COQ8B: variants seen among roughly 807,000 people sequenced by gnomAD.
The protein encoded by COQ8B is atypical kinase COQ8B, mitochondrial.
In COQ8B, 44 loss-of-function variants were observed where a neutral mutation model predicts 62.0. That is an observed-to-expected ratio of 0.71 (90% CI 0.56 to 0.91). The LOEUF is 0.91. Ranked by LOEUF, COQ8B falls within the 40% of genes least tolerant of loss-of-function variation. COQ8B has a pLI of 0.00. For synonymous variants in COQ8B, 252 were observed against 289.9 expected, an observed-to-expected ratio of 0.87 and a Z score of 1.33; for missense variants, 649 against 731.6, an observed-to-expected ratio of 0.89 and a Z score of 1.30.
In COQ8B at chr19:40,705,358, C is replaced by A. The variant is rs760868849; in HGVS notation, c.457G>T (p.Ala153Ser). The change falls in exon 6 of 15, where the codon GCC (alanine) becomes TCC (serine). Residue 153 changes from alanine to serine, a missense_variant. Ala to Ser is a moderately conservative substitution (Grantham distance 99, BLOSUM62 1). Transcript: ENST00000324464. The part of the protein sequence containing the change: ...VQTLCTVRGA[A>S]LKVGQMLSIQ... ...CTGAGCATCTGGCCAACCTTGAGGG[C>A]GGCCCCTCGAACTGTACATAAGGTC... is the stretch of plus-strand genomic sequence containing the variant. 1.3e-6 allele frequency: 2 copies of A among 1,597,650 alleles called. No individual in the cohort carries two copies. Among genetic ancestry groups the A allele is most frequent in the African/African-American group, 2.7e-5 (2 of 74,736 alleles).
chr19:40,711,142 A>G (rs1024956940), intron 4 of COQ8B, among the ~76,000 whole-genome samples: 7 of 151,958 alleles, frequency 4.6e-5, no homozygotes, highest in Non-Finnish European at 8.8e-5. Context: ...AAAAAAAAAA[A>G]AAAAAAGAAG....
intron 5 of COQ8B, among the ~76,000 whole-genome samples, chr19:40,709,060 C>T (rs904613675): frequency 5.9e-5 from 9 of 152,152 alleles, no homozygotes; most frequent in Non-Finnish European, 7.3e-5. Flanking sequence ...TTTATCTGTG[C>T]GTGTACCCAC....
chr19:40,713,653 T>C lies in COQ8B; in HGVS notation c.289+414A>G, dbSNP rs185212097. Among the ~76,000 whole-genome samples the C allele has an allele frequency of 1.9e-3, 279 of 145,892 alleles. 3 individuals carry two copies. The highest frequency in any genetic ancestry group is 7.3e-3 in the African/African-American group (271 of 37,092). ...ATTGCTTGAATGTAGGAGGCAGAGGTTGCAATGAGCCAAGACGGTGCCACT... is the reference window on the plus strand; with the variant it reads ...ATTGCTTGAATGTAGGAGGCAGAGGCTGCAATGAGCCAAGACGGTGCCACT... On this transcript the variant is annotated intron_variant, in intron 4 of 14. Transcript: ENST00000324464.
intron 1 of COQ8B, chr19:40,715,312 C>T (rs915770088): frequency 1.0e-6 from 1 of 985,842 alleles, no homozygotes; most frequent in Non-Finnish European, 1.2e-6. Context: ...GCCCTGTCTG[C>T]CCTTCCACTC....
chr19:40,714,786 C>A, intron 1 of COQ8B, 151 bp from the exon 2 acceptor site: 4 of 1,327,260 alleles, frequency 3.0e-6, no homozygotes, highest in Non-Finnish European at 3.9e-6. Context: ...CTGGTTCTCC[C>A]CTGGTTGCTA....
intron 4 of COQ8B, among the ~76,000 whole-genome samples, chr19:40,710,814 A>G (rs1368547342): frequency 1.3e-5 from 2 of 152,138 alleles, no homozygotes; most frequent in Non-Finnish European, 2.9e-5. Flanking sequence ...CACCTCAGAT[A>G]ATTCTAATGT....
At position 40,697,007 on chromosome 19, in the gene COQ8B, C is replaced by T. The variant is rs561919433; in HGVS notation, c.1144-953G>A. ...ACACTGCTGTGTAAGGACTTCGTTGCGTGAATCTATCACAGTGCATTTATC... is the reference window on the plus strand; with the variant it reads ...ACACTGCTGTGTAAGGACTTCGTTGTGTGAATCTATCACAGTGCATTTATC... On this transcript the variant is annotated intron_variant, in intron 12 of 14. Coordinates refer to ENST00000324464, the MANE Select transcript of COQ8B (RefSeq NM_024876.4). Among the ~76,000 whole-genome samples, 4 of 152,238 alleles carry T rather than the reference C, an allele frequency of 2.6e-5. No individual in the cohort carries two copies. In the South Asian group the frequency reaches 6.2e-4, roughly 24 times the overall value.
chr19:40,702,536 G>A, intron 10 of COQ8B, 64 bp downstream of exon 10: 1 of 1,496,744 alleles, frequency 6.7e-7, no homozygotes, highest in Non-Finnish European at 9.3e-7. Flanking sequence ...AAGCTGAGGG[G>A]GCAGCTACTT....
intron 13 of COQ8B, 41 bp downstream of exon 13, chr19:40,695,948 C>A (rs754298223): frequency 4.4e-6 from 7 of 1,600,866 alleles, no homozygotes; most frequent in Non-Finnish European, 6.0e-6. Flanking sequence ...ATGGCTTGAG[C>A]CTCAGCCTTT....
In COQ8B at chr19:40,713,335, G is replaced by A. The variant is rs144900598; in HGVS notation, c.289+732C>T. 8.3e-3 allele frequency among the ~76,000 whole-genome samples: 1,257 copies of A among 152,230 alleles called. 50 individuals are homozygous for A. The highest frequency in any genetic ancestry group is 0.055 in the Admixed American group (839 of 15,288). ...TCCCTTGAACCCTGGGCAGCCTGGT[G>A]CCAAAGCTCTACCACTGCCTGACAA... is the stretch of plus-strand genomic sequence containing the variant. On this transcript the variant is annotated intron_variant, in intron 4 of 14. Coordinates refer to ENST00000324464, the MANE Select transcript of COQ8B (RefSeq NM_024876.4).
chr19:40,707,357 T>G (rs575748433), intron 5 of COQ8B, among the ~76,000 whole-genome samples: 7 of 152,056 alleles, frequency 4.6e-5, no homozygotes, highest in Admixed American at 1.3e-4. Flanking sequence ...CAACCACTAA[T>G]CTACTTTATG....
At chr19:40,707,337 C>T (rs547795724) in intron 5 of COQ8B, among the ~76,000 whole-genome samples, 1 of 151,974 alleles carries the variant, frequency 6.6e-6, no homozygotes, top group Admixed American at 6.6e-5. Flanking sequence ...CCAATCTCCC[C>T]AGGCCTTGAC....
chr19:40,712,732 T>G (rs1343775349), intron 4 of COQ8B, among the ~76,000 whole-genome samples: 1 of 152,256 alleles, frequency 6.6e-6, no homozygotes, highest in African/African-American at 2.4e-5. Context: ...TGTCCTATTC[T>G]TCTTTTTAAA....
At chr19:40,712,668 A>G (rs571840670) in intron 4 of COQ8B, among the ~76,000 whole-genome samples, 37 of 152,306 alleles carry the variant, frequency 2.4e-4, no homozygotes, top group African/African-American at 7.9e-4. Flanking sequence ...AGACCAAGGT[A>G]TATGTTTCAC....
intron 1 of COQ8B, chr19:40,715,454 A>C: frequency 2.0e-6 from 2 of 985,522 alleles, no homozygotes; most frequent in Non-Finnish European, 2.4e-6. Flanking sequence ...TACCCCTGGC[A>C]GGCTCAACAC....
In COQ8B at chr19:40,714,072, A is replaced by G. The variant is rs895377372; in HGVS notation, c.284T>C (p.Phe95Ser). 1 of 1,613,664 alleles carries G rather than the reference A, an allele frequency of 6.2e-7. No individual in the cohort carries two copies. The highest frequency in any genetic ancestry group is 1.3e-5 in the African/African-American group (1 of 74,832). The change falls in exon 4 of 15, where the codon TTT becomes TCT. Residue 95 changes from phenylalanine (F) to serine (S), a missense_variant. Physicochemically the swap from Phe to Ser is radical, Grantham distance 155 (BLOSUM62 -2). Transcript: ENST00000324464. ...PASRISRLANFGGLAVGLGLG... is the reference protein window; with the variant it reads ...PASRISRLANSGGLAVGLGLG... ...TCCCCCAAAGTCACACCTACCCCCA[A>G]AGTTGGCCAAGCGGCTGATGCGGGA...
At chr19:40,702,281 C>T (rs995758567) in intron 10 of COQ8B, among the ~76,000 whole-genome samples, 9 of 151,962 alleles carry the variant, frequency 5.9e-5, no homozygotes, top group South Asian at 2.1e-4. Flanking sequence ...GCTGTGGGCT[C>T]CTTGCTCTCC....
intron 5 of COQ8B, among the ~76,000 whole-genome samples, chr19:40,709,081 T>C (rs2082121710): frequency 1.3e-5 from 2 of 152,206 alleles, no homozygotes; most frequent in Admixed American, 1.3e-4. Context: ...ACACTTACTA[T>C]TATTATTTTT....
At chr19:40,696,961 T>C (rs906806916) in intron 12 of COQ8B, among the ~76,000 whole-genome samples, 1 of 152,342 alleles carries the variant, frequency 6.6e-6, no homozygotes, top group South Asian at 2.1e-4. Flanking sequence ...CATGTGTCGC[T>C]CCAGCTCAGT....
Sources: allele counts gnomAD v4.1 joint callset (sites outside exome capture counted in the v4.1 genomes callset), GRCh38; gene constraint gnomAD v4.1.1; transcripts MANE v1.5; gene names NCBI Gene and HGNC (gene_info 2026-07-23, HGNC 2026-07-21).